ARHGAP26: variants seen among roughly 807,000 people sequenced by gnomAD.
ARHGAP26 encodes the protein Rho GTPase activating protein 26.
In ARHGAP26, 38 loss-of-function variants were observed where a neutral mutation model predicts 104.8. The ratio of observed to expected loss-of-function variants is 0.36; its 90% CI spans 0.28 to 0.48. ARHGAP26 has a LOEUF of 0.48. ARHGAP26 is among the 20% of genes least tolerant of loss of function. The pLI, the probability that ARHGAP26 is intolerant of heterozygous loss-of-function variation, is 0.99. For synonymous variants in ARHGAP26, 341 were observed against 340.0 expected (o/e 1.00, Z -0.03); for missense variants, 704 against 947.9 (o/e 0.74, Z 3.38).
At chr5:142,994,753 T>A (rs190282893) in intron 11 of ARHGAP26, among the ~76,000 whole-genome samples, 5 of 152,378 alleles carry the variant, frequency 3.3e-5, no homozygotes, top group African/African-American at 1.2e-4. Flanking sequence ...TGCTGTTTAC[T>A]GAGCATTTAC....
chr5:143,144,367 G>A (rs1464677025), intron 19 of ARHGAP26, among the ~76,000 whole-genome samples: 6 of 152,088 alleles, frequency 3.9e-5, no homozygotes. Context: ...AAACTTTCCT[G>A]TTTCGAGTGA....
At chr5:143,192,359 C>T (rs1471196986) in intron 20 of ARHGAP26, 1 of 152,224 alleles carries the variant, frequency 6.6e-6, no homozygotes, top group Non-Finnish European at 1.5e-5. Flanking sequence ...CATGGAGGTG[C>T]AAAAGGTTAA....
At chr5:142,890,150 AAATATATATATATAT>A (rs1313756852) in intron 5 of ARHGAP26, among the ~76,000 whole-genome samples, 58 of 70,928 alleles carry the variant, frequency 8.2e-4, no homozygotes, top group Non-Finnish European at 1.2e-3. Flanking sequence ...AAAAAAAAAA[AAATATATATATATAT>A]ATATATATAT....
chr5:143,022,299 C>G lies in ARHGAP26; in HGVS notation c.1144+8183C>G, dbSNP rs1780457950. Among the ~76,000 whole-genome samples, 3 of 152,158 alleles carry G rather than the reference C, an allele frequency of 2.0e-5. No homozygotes were observed. The South Asian group carries it at 6.2e-4, about 32-fold the overall frequency. On this transcript the variant is annotated intron_variant, in intron 12 of 22. Coordinates refer to ENST00000645722, the MANE Select transcript of ARHGAP26 (RefSeq NM_001135608.3). ...TGTTGGCCAGGCTGGTCTCGGACTC[C>G]TGACCTCAGGTGATCCGCCTGCCTC...
intron 20 of ARHGAP26, among the ~76,000 whole-genome samples, chr5:143,189,997 GGTTTTACTACA>G (rs1700829462): frequency 6.6e-6 from 1 of 150,686 alleles, no homozygotes; most frequent in Admixed American, 6.6e-5. Context: ...TAATAGCTAA[GGTTTTACTACA>G]TCTTTGGAGG....
chr5:143,206,433 T>A lies in ARHGAP26; in HGVS notation c.1989-765T>A, dbSNP rs934491033. Reference sequence around the variant, plus strand: ...TAATTTCAACCTTTCCTCTCCAAACTTTTGATTAGCTACCCGTCAAGGAAC... The same window carrying A: ...TAATTTCAACCTTTCCTCTCCAAACATTTGATTAGCTACCCGTCAAGGAAC... On this transcript the variant is annotated intron_variant, in intron 20 of 22. Coordinates refer to ENST00000645722, the MANE Select transcript of ARHGAP26 (RefSeq NM_001135608.3). Among the ~76,000 whole-genome samples, 6 of 152,372 alleles carry A rather than the reference T, an allele frequency of 3.9e-5. No homozygotes were observed. The East Asian group carries it at 1.2e-3, about 29-fold the overall frequency.
intron 17 of ARHGAP26, among the ~76,000 whole-genome samples, chr5:143,086,800 C>T (rs1282878981): frequency 1.3e-5 from 2 of 152,196 alleles, no homozygotes; most frequent in South Asian, 2.1e-4. Context: ...CTTATTACTA[C>T]AGAACTAACT....
rs758538234 is a variant in ARHGAP26 at position 142,932,077 on chromosome 5, G to A, written c.1059G>A (p.Ser353=). 1.5e-5 allele frequency: 25 copies of A among 1,613,924 alleles called. No individual in the cohort carries two copies. Among genetic ancestry groups the A allele is most frequent in the East Asian group, 2.2e-5 (1 of 44,898 alleles). ...GGGTTATCACCATGCAAGCTTTGTC[G>A]GAAGAGGACCGGAGGCTCTGGATGG... is the stretch of plus-strand genomic sequence containing the variant. ...RPGVITMQAL[S]EEDRRLWMEA... The change falls in exon 11 of 23, where the codon TCG becomes TCA. Residue 353 remains serine, a synonymous_variant. Transcript: ENST00000645722.
At chr5:142,931,002 G>A (rs1196020460) in intron 10 of ARHGAP26, among the ~76,000 whole-genome samples, 1 of 152,148 alleles carries the variant, frequency 6.6e-6, no homozygotes, top group East Asian at 1.9e-4. Flanking sequence ...ATGATCATTA[G>A]CAGTGTTTGT....
chr5:143,103,867 A>G (rs1477332410), intron 17 of ARHGAP26, among the ~76,000 whole-genome samples: 1 of 152,090 alleles, frequency 6.6e-6, no homozygotes, highest in Non-Finnish European at 1.5e-5. Flanking sequence ...GGGTGCAGCA[A>G]ACGACCATGG....
In ARHGAP26 at chr5:143,227,921, A is replaced by T. The variant is rs771459315; in HGVS notation, c.*5475A>T. The T allele has an allele frequency of 3.8e-4, 85 of 221,402 alleles. No homozygotes were observed. Among genetic ancestry groups the T allele is most frequent in the Non-Finnish European group, 6.4e-4 (71 of 110,552 alleles). The allele number at this position is 221,402 out of a possible 1,614,324, so 13.7% of individuals were successfully genotyped here. ...TATTTTTACAAAAGTTGTGCCAGAC[A>T]TTACAGAGTGAAAACGTCTCTCAAG... On this transcript the variant is annotated 3_prime_UTR_variant, in exon 23 of 23. Transcript: ENST00000645722.
chr5:143,087,636 C>CTT lies in ARHGAP26; in HGVS notation c.1538+29914_1538+29915dup, dbSNP rs35201189. ...CTCATCTAATTAACCCTGGCCCATT[C>CTT]TTTTTTTTTTTTTTTTTTTTTTTTT... On this transcript the variant is annotated intron_variant, in intron 17 of 22. Transcript: ENST00000645722. Among the ~76,000 whole-genome samples the CTT allele has an allele frequency of 2.1e-3, 107 of 51,560 alleles. 16 individuals carry two copies. Among genetic ancestry groups the CTT allele is most frequent in the African/African-American group, 7.4e-3 (95 of 12,776 alleles). The allele number at this position is 51,560 out of a possible 152,430, so 33.8% of individuals were successfully genotyped here.
At chr5:142,941,024 G>T (rs1195098705) in intron 11 of ARHGAP26, among the ~76,000 whole-genome samples, 2 of 123,668 alleles carry the variant, frequency 1.6e-5, no homozygotes, top group East Asian at 5.8e-4. Context: ...GCAGTGAGCC[G>T]AGATCATGCC....
At chr5:143,217,802 T>G (rs1810566043) in intron 22 of ARHGAP26, among the ~76,000 whole-genome samples, 1 of 152,248 alleles carries the variant, frequency 6.6e-6, no homozygotes, top group Admixed American at 6.5e-5. Flanking sequence ...ATCTTGTCAC[T>G]GGCTTCCACT....
chr5:142,818,865 A>G (rs1765598003), intron 1 of ARHGAP26, among the ~76,000 whole-genome samples: 1 of 151,990 alleles, frequency 6.6e-6, no homozygotes, highest in Non-Finnish European at 1.5e-5. Flanking sequence ...GAGGGGACCC[A>G]CATTAGAATG....
intron 1 of ARHGAP26, among the ~76,000 whole-genome samples, chr5:142,842,714 C>G (rs1771057520): frequency 6.6e-6 from 1 of 152,122 alleles, no homozygotes; most frequent in African/African-American, 2.4e-5. Flanking sequence ...TTTCTGAGGC[C>G]AATTTCCCAT....
intron 13 of ARHGAP26, among the ~76,000 whole-genome samples, chr5:143,041,154 T>G (rs553234535): frequency 1.3e-5 from 2 of 152,358 alleles, no homozygotes; most frequent in East Asian, 3.9e-4. Context: ...ACAGTGGTGA[T>G]CTAATCCATG....
At chr5:142,808,345 A>G (rs1338782206) in intron 1 of ARHGAP26, among the ~76,000 whole-genome samples, 1 of 148,428 alleles carries the variant, frequency 6.7e-6, no homozygotes, top group Non-Finnish European at 1.5e-5. Context: ...TAAACTCAGC[A>G]TAGTTTGAGG....
At chr5:143,057,570 C>T (rs1054015418) in intron 16 of ARHGAP26, 72 bp from the exon 17 acceptor site, 4 of 1,278,604 alleles carry the variant, frequency 3.1e-6, no homozygotes, top group Non-Finnish European at 4.5e-6. Context: ...CTTTGGTTTC[C>T]CTTAATTTTT....
Sources: allele counts gnomAD v4.1 joint callset (sites outside exome capture counted in the v4.1 genomes callset), GRCh38; gene constraint gnomAD v4.1.1; transcripts MANE v1.5; gene names NCBI Gene and HGNC (gene_info 2026-07-23, HGNC 2026-07-21).